The following ANAPC7 variants were observed in gnomAD, a reference collection of about 807,000 sequenced individuals.
The protein encoded by ANAPC7 is anaphase-promoting complex subunit 7.
Under a neutral mutation model 63.3 loss-of-function variants are expected in ANAPC7, and 25 were observed. The observed-to-expected ratio is 0.39, with a 90% CI of 0.29 to 0.55. The LOEUF (loss-of-function observed/expected upper bound fraction) is 0.55, where lower values mean the gene tolerates loss of function less well. Among genes scored for constraint, ANAPC7 ranks in the 20% least tolerant of loss-of-function variants. The probability of loss-of-function intolerance (pLI) is 0.57; values close to 1 mark genes in which losing one functional copy is unlikely to be tolerated. For missense variants in ANAPC7, 516 were observed against 691.7 expected (o/e 0.75, Z 2.85); for synonymous variants, 241 against 251.7 (o/e 0.96, Z 0.40).
intron 1 of ANAPC7, among the ~76,000 whole-genome samples, chr12:110,401,125 T>C (rs1211222062): frequency 6.6e-6 from 1 of 152,172 alleles, no homozygotes; most frequent in Non-Finnish European, 1.5e-5. Flanking sequence ...TTGTAAGCAC[T>C]TAAAGGACTT....
chr12:110,382,442 A>T (rs1326477331), intron 7 of ANAPC7, among the ~76,000 whole-genome samples: 3 of 34,408 alleles, frequency 8.7e-5, no homozygotes, highest in East Asian at 1.4e-3. Flanking sequence ...TTATCCTTTT[A>T]AAAAAAAAAA....
intron 9 of ANAPC7, among the ~76,000 whole-genome samples, chr12:110,376,568 C>CAAAAAAAAAAAAAAAAAAAAAAAA (rs57434475): frequency 1.6e-5 from 1 of 62,398 alleles, no homozygotes; most frequent in Non-Finnish European, 2.7e-5. Context: ...GACTCCATCT[C>CAAAAAAAAAAAAAAAAAAAAAAAA]AAAAAAAAAA....
At position 110,373,972 on chromosome 12, in the gene ANAPC7, T is replaced by C. The variant is rs1881028111; in HGVS notation, c.*172A>G. Reference sequence around the variant, plus strand: ...GAGATACATGGAAGGTTGGTCAGGCTCTGTTTTAGAAATGAAGTCACGACT... The same window carrying C: ...GAGATACATGGAAGGTTGGTCAGGCCCTGTTTTAGAAATGAAGTCACGACT... On this transcript the variant is annotated 3_prime_UTR_variant, in exon 11 of 11. Transcript: ENST00000455511. 1 of 675,528 alleles carries C rather than the reference T, an allele frequency of 1.5e-6. No homozygotes were observed. Among genetic ancestry groups the C allele is most frequent in the Non-Finnish European group, 2.3e-6 (1 of 442,906 alleles). The allele number at this position is 675,528 out of a possible 1,614,324, so 41.8% of individuals were successfully genotyped here. A position where few individuals can be genotyped will look rare whatever the true frequency, so the allele number is the denominator to read the frequency against.
At chr12:110,376,603 A>G (rs1259474301) in intron 9 of ANAPC7, among the ~76,000 whole-genome samples, 2 of 148,898 alleles carry the variant, frequency 1.3e-5, no homozygotes. Flanking sequence ...TGCAGTTTGA[A>G]TTATAATGTT....
chr12:110,380,794 A>T (rs1318545111), intron 8 of ANAPC7, among the ~76,000 whole-genome samples: 1 of 150,330 alleles, frequency 6.7e-6, no homozygotes, highest in Non-Finnish European at 1.5e-5. Context: ...CTCTACTAAA[A>T]ATACAAAAAA....
In ANAPC7 at chr12:110,377,504, C is replaced by T. The variant is rs1395086892; in HGVS notation, c.1246G>A (p.Val416Ile). 39 of 1,614,018 alleles carry T rather than the reference C, an allele frequency of 2.4e-5. 1 individual carries two copies. The highest frequency in any genetic ancestry group is 9.9e-5 in the South Asian group (9 of 91,084). The change falls in exon 9 of 11, where the codon GTT becomes ATT. Residue 416 changes from valine to isoleucine, a missense_variant. Around this residue, in one of 4 missense-constraint regions of ANAPC7, gnomAD observed 122 missense variants for 212.0 expected, o/e 0.58. Coordinates refer to ENST00000455511, the MANE Select transcript of ANAPC7 (RefSeq NM_016238.3). ...TGTGTCACTGGGTCTTCAAGACAAA[C>T]GGTGGCTAAAAGGGTAAGGGTCTGT... ...NAQTLTLLAT[V>I]CLEDPVTQEK...
chr12:110,395,579 T>C (rs1332821028), intron 2 of ANAPC7, among the ~76,000 whole-genome samples: 1 of 152,088 alleles, frequency 6.6e-6, no homozygotes, highest in African/African-American at 2.4e-5. Flanking sequence ...TGTGAGCCAC[T>C]GTGCCTGGCC....
At chr12:110,380,608 G>A (rs532346970) in intron 8 of ANAPC7, among the ~76,000 whole-genome samples, 2 of 137,500 alleles carry the variant, frequency 1.5e-5, no homozygotes, top group South Asian at 2.4e-4. Flanking sequence ...CCAAGATCAT[G>A]CCACTGCACT....
At chr12:110,386,259 T>C in intron 6 of ANAPC7, 68 bp downstream of exon 6, 4 of 1,589,872 alleles carry the variant, frequency 2.5e-6, no homozygotes, top group Non-Finnish European at 1.7e-6. Context: ...TAATGCTGCA[T>C]ATTCTCCCTA....
intron 8 of ANAPC7, among the ~76,000 whole-genome samples, chr12:110,381,188 A>G (rs1195924552): frequency 6.6e-6 from 1 of 152,218 alleles, no homozygotes; most frequent in Non-Finnish European, 1.5e-5. Context: ...TGCCTAATGC[A>G]GTGGTTCCCA....
rs1207906475 is a variant in ANAPC7 at position 110,373,098 on chromosome 12, C to G, written c.*1046G>C. On this transcript the variant is annotated 3_prime_UTR_variant, in exon 11 of 11. Transcript: ENST00000455511. The stretch of plus-strand genomic sequence containing the variant: ...CTCCGATTAATTGTATACTCAGAGC[C>G]ATCGCAACTTAAGGCACAAGGGAGA... 1 of 152,118 alleles carries G rather than the reference C, an allele frequency of 6.6e-6. No homozygotes were observed. Among genetic ancestry groups the G allele is most frequent in the Non-Finnish European group, 1.5e-5 (1 of 68,038 alleles). The allele number at this position is 152,118 out of a possible 1,614,324, so 9.4% of individuals were successfully genotyped here.
intron 8 of ANAPC7, among the ~76,000 whole-genome samples, chr12:110,379,349 A>G (rs1881603319): frequency 6.6e-6 from 1 of 152,192 alleles, no homozygotes; most frequent in South Asian, 2.1e-4. Flanking sequence ...AGAAATATCA[A>G]AGGGTGTAGT....
Position 110,374,120 on chromosome 12 carries a change from T to C in ANAPC7, c.*24A>G. The C allele has an allele frequency of 1.3e-6, 2 of 1,594,066 alleles. No individual in the cohort carries two copies. The highest frequency in any genetic ancestry group is 8.5e-7 in the Non-Finnish European group (1 of 1,172,568). ...AAGTGCTCAGAGCAGGGCAGGCCAC[T>C]GCGGCCATGGAGCTGCCGCCCCCTC... On this transcript the variant is annotated 3_prime_UTR_variant, in exon 11 of 11. Transcript: ENST00000455511.
chr12:110,376,721 A>G (rs80072218), intron 9 of ANAPC7, among the ~76,000 whole-genome samples: 44 of 150,896 alleles, frequency 2.9e-4, no homozygotes, highest in African/African-American at 1.1e-3. Flanking sequence ...AAAAAAAAAA[A>G]GGGCCAAACG....
Position 110,382,958 on chromosome 12 carries a change from T to C in ANAPC7, c.820A>G (p.Met274Val), listed in dbSNP as rs1882080644. ...GCCAGTAGGTAGCCATATACATCCATTCCTAGAAGAGAAGGACATAGTGAG... is the reference window on the plus strand; with the variant it reads ...GCCAGTAGGTAGCCATATACATCCACTCCTAGAAGAGAAGGACATAGTGAG... ...QMLDPYLIKG[M>V]DVYGYLLARE... Residue 274 changes from methionine to valine, a missense_variant and splice_region_variant, in exon 7 of 11, where the codon ATG becomes GTG. Physicochemically the swap from Met to Val is conservative, Grantham distance 21. Around this residue, in one of 4 missense-constraint regions of ANAPC7, gnomAD observed 199 missense variants for 249.3 expected, o/e 0.80. Coordinates refer to ENST00000455511, the MANE Select transcript of ANAPC7 (RefSeq NM_016238.3). 6.2e-7 allele frequency: 1 copy of C among 1,611,454 alleles called. No individual in the cohort carries two copies. The highest frequency in any genetic ancestry group is 1.3e-5 in the African/African-American group (1 of 74,938).
At chr12:110,397,210 A>C (rs73206878) in intron 1 of ANAPC7, among the ~76,000 whole-genome samples, 12,268 of 151,370 alleles carry the variant, frequency 0.081, 536 homozygotes, top group Middle Eastern at 0.11. Flanking sequence ...ACAACAACAA[A>C]AAAAAACCAA....
intron 8 of ANAPC7, chr12:110,378,750 C>T (rs1881535957): frequency 6.6e-6 from 1 of 152,234 alleles, no homozygotes; most frequent in Non-Finnish European, 1.5e-5. Flanking sequence ...CCACACAATC[C>T]TTGGCAGATT....
intron 3 of ANAPC7, among the ~76,000 whole-genome samples, chr12:110,391,694 T>C (rs1221470087): frequency 6.6e-6 from 1 of 152,302 alleles, no homozygotes; most frequent in Non-Finnish European, 1.5e-5. Context: ...GCTTTAACAT[T>C]ACTATTTTCA....
At position 110,396,335 on chromosome 12, in the gene ANAPC7, C is replaced by A; in HGVS notation, c.219G>T (p.Lys73Asn). The change falls in exon 2 of 11, where the codon AAG (lysine) becomes AAT (asparagine). Residue 73 changes from lysine (K) to asparagine (N), a missense_variant. Lys to Asn is a moderately conservative substitution (Grantham distance 94, BLOSUM62 0). This residue lies in a region of ANAPC7 where 185 missense variants were observed against 200.3 expected (regional missense o/e 0.92). Coordinates refer to ENST00000455511, the MANE Select transcript of ANAPC7 (RefSeq NM_016238.3). ...CTTTTGAAGTTTTACTTAGCGCTTT[C>A]TTCTGCTGTAAAGCCATGGTATACT... ...VSKYTMALQQ[K>N]KALSKTSKVR... 1.2e-6 allele frequency: 2 copies of A among 1,613,710 alleles called. No homozygotes were observed. The highest frequency in any genetic ancestry group is 2.2e-5 in the South Asian group (2 of 91,034).
Sources: allele counts gnomAD v4.1 joint callset (sites outside exome capture counted in the v4.1 genomes callset), GRCh38; gene constraint gnomAD v4.1.1; regional missense constraint gnomAD v4.1.1; transcripts MANE v1.5; gene names NCBI Gene and HGNC (gene_info 2026-07-23, HGNC 2026-07-21).